PAFAH1B1: variants seen among roughly 807,000 people sequenced by gnomAD.
PAFAH1B1 encodes the protein platelet activating factor acetylhydrolase 1b regulatory subunit 1, also known as platelet-activating factor acetylhydrolase IB subunit beta.
Under a neutral mutation model 57.5 loss-of-function variants are expected in PAFAH1B1, and 2 were observed. That is an observed-to-expected ratio of 0.03 (90% CI 0.01 to 0.11). The LOEUF is 0.11. Among genes scored for constraint, PAFAH1B1 ranks in the 10% least tolerant of loss-of-function variants. PAFAH1B1 has a pLI of 1.00. For missense variants in PAFAH1B1, 257 were observed against 512.0 expected (o/e 0.50, Z 4.81); for synonymous variants, 152 against 169.6 (o/e 0.90, Z 0.81).
chr17:2,652,513 A>G (rs977847116), intron 2 of PAFAH1B1, among the ~76,000 whole-genome samples: 4 of 152,244 alleles, frequency 2.6e-5, no homozygotes, highest in African/African-American at 9.6e-5. Flanking sequence ...TATTGCTTTA[A>G]AAAACTGACT....
chr17:2,601,139 T>G (rs1775740883), intron 1 of PAFAH1B1, among the ~76,000 whole-genome samples: 1 of 152,074 alleles, frequency 6.6e-6, no homozygotes, highest in Non-Finnish European at 1.5e-5. Context: ...TATTATTTAT[T>G]TATTTATTTT....
Position 2,675,087 on chromosome 17 carries a change from C to T in PAFAH1B1, c.900+799C>T, listed in dbSNP as rs573994086. Reference sequence around the variant, plus strand: ...CGTGATCTCGGCTCACTGCAACCTCCGCCTCCCAGGTTCAGGCGATTCTCC... The same window carrying T: ...CGTGATCTCGGCTCACTGCAACCTCTGCCTCCCAGGTTCAGGCGATTCTCC... On this transcript the variant is annotated intron_variant, in intron 8 of 10. Transcript: ENST00000397195. Among the ~76,000 whole-genome samples, 8 of 152,252 alleles carry T rather than the reference C, an allele frequency of 5.3e-5. No individual in the cohort carries two copies. The South Asian group carries it at 6.2e-4, about 12-fold the overall frequency.
In PAFAH1B1 at chr17:2,674,294, G is replaced by A. The variant is rs200211261; in HGVS notation, c.900+6G>A. ...CTGAAGCAACAGGATCTGAGGTACT[G>A]TATATACAAATGTCTTCATGGTTTT... On this transcript the variant is annotated splice_donor_region_variant and intron_variant, in intron 8 of 10. Transcript: ENST00000397195. 5 of 1,595,794 alleles carry A rather than the reference G, an allele frequency of 3.1e-6. No individual in the cohort carries two copies. The highest frequency in any genetic ancestry group is 4.5e-5 in the East Asian group (2 of 44,808).
At chr17:2,625,966 A>G (rs2531855) in intron 1 of PAFAH1B1, among the ~76,000 whole-genome samples, 12,651 of 152,032 alleles carry the variant, frequency 0.083, 1,405 homozygotes, top group African/African-American at 0.25. Context: ...AAACGTTAAT[A>G]AAAGCCAGGC....
Position 2,676,585 on chromosome 17 carries a change from T to G in PAFAH1B1, c.981T>G (p.Thr327=), listed in dbSNP as rs777168884. ...CTATTAAGATGTGGGATGTCAGTAC[T>G]GGCATGTGCCTTATGACCCTCGTAA... is the stretch of plus-strand genomic sequence containing the variant. ...DKTIKMWDVS[T]GMCLMTLVGH... Residue 327 remains threonine (T), a synonymous_variant, in exon 9 of 11, where the codon ACT becomes ACG. Transcript: ENST00000397195. 2 of 1,608,356 alleles carry G rather than the reference T, an allele frequency of 1.2e-6. No homozygotes were observed. Among genetic ancestry groups the G allele is most frequent in the South Asian group, 2.2e-5 (2 of 90,988 alleles).
rs939725527 is a variant in PAFAH1B1, at chr17:2,684,598, C to G, written c.*2796C>G. On this transcript the variant is annotated 3_prime_UTR_variant, in exon 11 of 11. Coordinates refer to ENST00000397195, the MANE Select transcript of PAFAH1B1 (RefSeq NM_000430.4). ...ACGTGCCCAAGAAATCCTAGCTGCG[C>G]TCTTGAGAGTGCATGCCATGGAGAC... is the stretch of plus-strand genomic sequence containing the variant. 1 of 152,690 alleles carries G rather than the reference C, an allele frequency of 6.5e-6. No individual in the cohort carries two copies. The highest frequency in any genetic ancestry group is 1.5e-5 in the Non-Finnish European group (1 of 68,062). The allele number at this position is 152,690 out of a possible 1,614,324, so 9.5% of individuals were successfully genotyped here. A position where few individuals can be genotyped will look rare whatever the true frequency, so the allele number is the denominator to read the frequency against.
intron 5 of PAFAH1B1, among the ~76,000 whole-genome samples, chr17:2,669,483 C>T (rs960591956): frequency 8.5e-5 from 13 of 152,058 alleles, no homozygotes; most frequent in African/African-American, 3.1e-4. Context: ...AGGATAGTCT[C>T]GAACTGACCT....
intron 8 of PAFAH1B1, 137 bp from the exon 9 acceptor site, chr17:2,676,368 A>T: frequency 1.5e-6 from 1 of 657,208 alleles, no homozygotes; most frequent in Non-Finnish European, 2.7e-6. Context: ...ACAGAGCCAG[A>T]CTCCGTCTGA....
chr17:2,666,175 A>ATT, intron 4 of PAFAH1B1, 85 bp downstream of exon 4: 1 of 1,157,280 alleles, frequency 8.6e-7, no homozygotes, highest in East Asian at 2.8e-5. Flanking sequence ...TTAATTAATA[A>ATT]TTGCATCTAA....
chr17:2,635,663 A>G (rs2068613870), intron 1 of PAFAH1B1, among the ~76,000 whole-genome samples: 1 of 152,042 alleles, frequency 6.6e-6, no homozygotes, highest in African/African-American at 2.4e-5. Context: ...ACCATGTACT[A>G]CACTGTCATT....
intron 6 of PAFAH1B1, among the ~76,000 whole-genome samples, chr17:2,671,301 C>G (rs945942929): frequency 1.1e-4 from 17 of 151,954 alleles, no homozygotes; most frequent in African/African-American, 4.1e-4. Context: ...CTCCGCCTCC[C>G]AGGTTTAAGT....
At chr17:2,618,582 T>C (rs1238378860) in intron 1 of PAFAH1B1, among the ~76,000 whole-genome samples, 1 of 152,112 alleles carries the variant, frequency 6.6e-6, no homozygotes, top group African/African-American at 2.4e-5. Flanking sequence ...AATTTACTTT[T>C]TTAAAAGAAA....
intron 1 of PAFAH1B1, among the ~76,000 whole-genome samples, chr17:2,634,890 G>A (rs1390874546): frequency 6.6e-6 from 1 of 152,178 alleles, no homozygotes; most frequent in African/African-American, 2.4e-5. Context: ...CCAGCCAGGT[G>A]TGGTGGCTCA....
chr17:2,596,224 A>G (rs1009908825), intron 1 of PAFAH1B1, among the ~76,000 whole-genome samples: 9 of 152,126 alleles, frequency 5.9e-5, no homozygotes, highest in South Asian at 2.1e-4. Flanking sequence ...ACATATATCT[A>G]CACTCTTGTT....
chr17:2,617,720 C>T (rs1328005553), intron 1 of PAFAH1B1, among the ~76,000 whole-genome samples: 1 of 147,716 alleles, frequency 6.8e-6, no homozygotes, highest in South Asian at 2.2e-4. Context: ...GAGTTTGAGA[C>T]CAGCACAGAC....
intron 1 of PAFAH1B1, among the ~76,000 whole-genome samples, chr17:2,636,099 A>AC (rs2068621723): frequency 6.6e-6 from 1 of 151,928 alleles, no homozygotes; most frequent in African/African-American, 2.4e-5. Context: ...ACAAAATAAG[A>AC]CCCCATCTCA....
In PAFAH1B1 at chr17:2,676,022, C is replaced by CT. The variant is rs530562353; in HGVS notation, c.901-482dup. On this transcript the variant is annotated intron_variant, in intron 8 of 10. Transcript: ENST00000397195. ...ATAGAGACTTCTGTTCTTACATTAT[C>CT]TGAGTCCTTCCTGTGTAGCATAGGT... Among the ~76,000 whole-genome samples the CT allele has an allele frequency of 7.2e-5, 11 of 152,310 alleles. No homozygotes were observed. The South Asian group carries it at 8.3e-4, about 11-fold the overall frequency.
chr17:2,608,053 G>C (rs1379560577), intron 1 of PAFAH1B1, among the ~76,000 whole-genome samples: 1 of 150,962 alleles, frequency 6.6e-6, no homozygotes, highest in African/African-American at 2.4e-5. Context: ...TTATTTAGTT[G>C]TATAATTTCT....
At chr17:2,637,971 A>G (rs758484613) in intron 1 of PAFAH1B1, 128 bp from the exon 2 acceptor site, 2 of 425,674 alleles carry the variant, frequency 4.7e-6, no homozygotes, top group Non-Finnish European at 8.3e-6. Flanking sequence ...CTATAAGTGG[A>G]AAATCATCAT....
Sources: allele counts gnomAD v4.1 joint callset (sites outside exome capture counted in the v4.1 genomes callset), GRCh38; gene constraint gnomAD v4.1.1; transcripts MANE v1.5; gene names NCBI Gene and HGNC (gene_info 2026-07-23, HGNC 2026-07-21).